The following LEKR1 variants were observed in gnomAD, a reference collection of about 807,000 sequenced individuals.
The protein encoded by LEKR1 is protein LEKR1.
LEKR1 carries 59 observed loss-of-function variants against 72.4 expected under a neutral mutation model. The ratio of observed to expected loss-of-function variants is 0.82; its 90% CI spans 0.66 to 1.01. The LOEUF (loss-of-function observed/expected upper bound fraction) is 1.01. LEKR1 is among the 50% of genes least tolerant of loss of function. The pLI is 0.00. For missense variants in LEKR1, 728 were observed against 759.2 expected (o/e 0.96, Z 0.48); for synonymous variants, 257 against 263.2 (o/e 0.98, Z 0.23).
At chr3:156,920,486 C>A in intron 3 of LEKR1, 89 bp from the exon 4 acceptor site, 1 of 804,028 alleles carries the variant, frequency 1.2e-6, no homozygotes, top group Non-Finnish European at 1.9e-6. Flanking sequence ...TCTTCTACTC[C>A]TTTTTATTAA....
intron 6 of LEKR1, among the ~76,000 whole-genome samples, chr3:156,955,939 G>A (rs946275948): frequency 2.2e-5 from 3 of 137,858 alleles, no homozygotes; most frequent in Non-Finnish European, 4.6e-5. Flanking sequence ...GGAAAAGGAT[G>A]TTCATACTGT....
intron 5 of LEKR1, among the ~76,000 whole-genome samples, chr3:156,937,428 A>G (rs962296707): frequency 2.2e-4 from 34 of 152,212 alleles, no homozygotes; most frequent in Non-Finnish European, 4.7e-4. Flanking sequence ...AAAAATGTTC[A>G]ACATCATTAG....
intron 6 of LEKR1, among the ~76,000 whole-genome samples, chr3:156,976,921 C>T (rs1729744563): frequency 6.6e-6 from 1 of 152,114 alleles, no homozygotes; most frequent in Non-Finnish European, 1.5e-5. Flanking sequence ...GGGTCATCTA[C>T]TCTACACCAT....
intron 3 of LEKR1, among the ~76,000 whole-genome samples, chr3:156,898,044 C>CT (rs1422034203): frequency 6.6e-6 from 1 of 151,616 alleles, no homozygotes; most frequent in African/African-American, 2.4e-5. Flanking sequence ...CAAATGTTTA[C>CT]TATTCAGATC....
chr3:156,880,965 A>G (rs1051501367), intron 3 of LEKR1, among the ~76,000 whole-genome samples: 2 of 152,070 alleles, frequency 1.3e-5, no homozygotes, highest in African/African-American at 2.4e-5. Flanking sequence ...CATGCTAAAA[A>G]CTCTCAATAA....
At chr3:157,039,002 A>G (rs1455186798) in intron 12 of LEKR1, among the ~76,000 whole-genome samples, 1 of 152,164 alleles carries the variant, frequency 6.6e-6, no homozygotes, top group African/African-American at 2.4e-5. Context: ...ATAGATCTGT[A>G]TTGGCTTTCA....
chr3:156,853,191 G>T, intron 3 of LEKR1: 1 of 303,066 alleles, frequency 3.3e-6, no homozygotes. Flanking sequence ...TGAAAAATTA[G>T]AAACCAATTA....
At chr3:156,899,283 T>TAC (rs1721544740) in intron 3 of LEKR1, among the ~76,000 whole-genome samples, 1 of 146,804 alleles carries the variant, frequency 6.8e-6, no homozygotes. Flanking sequence ...TGTATATATA[T>TAC]ACATGTATAT....
chr3:156,827,732 A>G (rs945668215), intron 1 of LEKR1, among the ~76,000 whole-genome samples: 1 of 152,292 alleles, frequency 6.6e-6, no homozygotes, highest in Admixed American at 6.5e-5. Context: ...GAACCTGCCA[A>G]TTCCTCCCCT....
intron 12 of LEKR1, among the ~76,000 whole-genome samples, chr3:157,030,101 T>A (rs191005715): frequency 8.0e-4 from 122 of 152,262 alleles, no homozygotes; most frequent in African/African-American, 2.8e-3. Context: ...CTTACAATCA[T>A]GGCGGAAGGT....
intron 3 of LEKR1, among the ~76,000 whole-genome samples, chr3:156,892,497 A>G (rs1173957263): frequency 6.6e-6 from 1 of 152,220 alleles, no homozygotes; most frequent in East Asian, 1.9e-4. Context: ...AAATTCCATA[A>G]CATGGCATAT....
At chr3:156,836,311 C>G (rs1336100759) in intron 2 of LEKR1, among the ~76,000 whole-genome samples, 3 of 151,860 alleles carry the variant, frequency 2.0e-5, no homozygotes, top group African/African-American at 7.3e-5. Context: ...AGGTTTTTCC[C>G]TAAATGGGGC....
intron 3 of LEKR1, among the ~76,000 whole-genome samples, chr3:156,865,590 C>T (rs1257025544): frequency 1.2e-5 from 1 of 84,664 alleles, no homozygotes; most frequent in African/African-American, 5.3e-5. Flanking sequence ...CTACAGTCAT[C>T]CCTCTATCAT....
chr3:157,041,727 G>A (rs1016419439), intron 12 of LEKR1, among the ~76,000 whole-genome samples: 1 of 151,816 alleles, frequency 6.6e-6, no homozygotes, highest in Non-Finnish European at 1.5e-5. Flanking sequence ...GTTAAAATAT[G>A]GCCAAAGATA....
intron 3 of LEKR1, among the ~76,000 whole-genome samples, chr3:156,865,856 T>C (rs1717253895): frequency 6.6e-6 from 1 of 152,062 alleles, no homozygotes; most frequent in Non-Finnish European, 1.5e-5. Flanking sequence ...GCTACCTCTT[T>C]CTGCTAAGAG....
chr3:156,935,475 AG>A (rs1454622597), intron 5 of LEKR1, among the ~76,000 whole-genome samples: 1 of 152,206 alleles, frequency 6.6e-6, no homozygotes, highest in Non-Finnish European at 1.5e-5. Context: ...CCTTTTTAAC[AG>A]TTTCTTTGAT....
At chr3:156,917,989 A>C (rs1280590294) in intron 3 of LEKR1, among the ~76,000 whole-genome samples, 1 of 152,146 alleles carries the variant, frequency 6.6e-6, no homozygotes, top group Non-Finnish European at 1.5e-5. Context: ...TGTCAGGAGA[A>C]GAATTACCTC....
intron 3 of LEKR1, among the ~76,000 whole-genome samples, chr3:156,866,749 G>A (rs1198543511): frequency 6.6e-6 from 1 of 151,936 alleles, no homozygotes; most frequent in Non-Finnish European, 1.5e-5. Flanking sequence ...GTGGATGGGT[G>A]GATGGATAGA....
chr3:156,916,158 T>C (rs1723619687), intron 3 of LEKR1, among the ~76,000 whole-genome samples: 1 of 152,204 alleles, frequency 6.6e-6, no homozygotes, highest in African/African-American at 2.4e-5. Context: ...TTTTGCTTAC[T>C]GTAGCCCCGT....
Sources: allele counts gnomAD v4.1 joint callset (sites outside exome capture counted in the v4.1 genomes callset), GRCh38; gene constraint gnomAD v4.1.1; transcripts MANE v1.5; gene names NCBI Gene and HGNC (gene_info 2026-07-23, HGNC 2026-07-21).